Variants in ATRNL1 observed in about 807,000 individuals in gnomAD.
The protein encoded by ATRNL1 is attractin-like protein 1.
Under a neutral mutation model 182.7 loss-of-function variants are expected in ATRNL1, and 95 were observed. The observed-to-expected ratio is 0.52, with a 90% CI of 0.44 to 0.62. ATRNL1 has a LOEUF of 0.62. Among genes scored for constraint, ATRNL1 ranks in the 20% least tolerant of loss-of-function variants. The probability of loss-of-function intolerance (pLI) is 0.00; values close to 1 mark genes in which losing one functional copy is unlikely to be tolerated. For synonymous variants in ATRNL1, 576 were observed against 568.3 expected, an observed-to-expected ratio of 1.01 and a Z score of -0.19; for missense variants, 1,471 against 1,679.5, an observed-to-expected ratio of 0.88 and a Z score of 2.17.
In ATRNL1 at chr10:115,847,750, A is replaced by G. The variant is rs1444538193; in HGVS notation, c.3904-127A>G. ...TAGTGTGCAAGGAGCTAGTGTTAAA[A>G]TAACACATGGTGTGTCCTGAACAAC... On this transcript the variant is annotated intron_variant, in intron 27 of 28. Transcript: ENST00000355044. The G allele has an allele frequency of 6.4e-6, 4 of 626,014 alleles. No homozygotes were observed. The Admixed American group carries it at 9.9e-5, about 15-fold the overall frequency. The allele number at this position is 626,014 out of a possible 1,614,324, so 38.8% of individuals were successfully genotyped here.
chr10:115,309,516 A>G (rs569166976), intron 17 of ATRNL1, among the ~76,000 whole-genome samples: 3 of 152,008 alleles, frequency 2.0e-5, no homozygotes, highest in Admixed American at 2.0e-4. Context: ...ATTCCTAGGT[A>G]TTTTATTTTT....
chr10:115,795,100 A>C (rs2134220530), intron 27 of ATRNL1, among the ~76,000 whole-genome samples: 1 of 152,282 alleles, frequency 6.6e-6, no homozygotes, highest in South Asian at 2.1e-4. Context: ...TTCTCCAGAA[A>C]GTCCTGGTTT....
chr10:115,555,394 C>G (rs541293288), intron 26 of ATRNL1, among the ~76,000 whole-genome samples: 35 of 151,806 alleles, frequency 2.3e-4, no homozygotes, highest in African/African-American at 7.0e-4. Context: ...TCAAAGTATA[C>G]TCATATATAG....
chr10:115,833,026 A>G (rs1171069841), intron 27 of ATRNL1, among the ~76,000 whole-genome samples: 1 of 151,968 alleles, frequency 6.6e-6, no homozygotes, highest in Non-Finnish European at 1.5e-5. Flanking sequence ...CCTTCAGGAC[A>G]TGTAAGAGGA....
intron 28 of ATRNL1, among the ~76,000 whole-genome samples, chr10:115,900,362 A>G (rs782114738): frequency 2.0e-5 from 3 of 152,262 alleles, no homozygotes; most frequent in Non-Finnish European, 4.4e-5. Context: ...TTTCTTTAAT[A>G]TAAATCTCAA....
chr10:115,389,036 G>A (rs997593335), intron 19 of ATRNL1, among the ~76,000 whole-genome samples: 1 of 151,976 alleles, frequency 6.6e-6, no homozygotes, highest in African/African-American at 2.4e-5. Flanking sequence ...TGTACTCTTT[G>A]ATCAACCTTT....
intron 25 of ATRNL1, among the ~76,000 whole-genome samples, chr10:115,547,274 A>C (rs1156423879): frequency 6.7e-6 from 1 of 148,316 alleles, no homozygotes; most frequent in Non-Finnish European, 1.5e-5. Flanking sequence ...ATATATATAT[A>C]TATATATAAA....
intron 25 of ATRNL1, among the ~76,000 whole-genome samples, chr10:115,543,152 A>C (rs61139966): frequency 1.3e-5 from 2 of 152,128 alleles, no homozygotes; most frequent in Non-Finnish European, 2.9e-5. Context: ...CATTTGAAAT[A>C]ATCTTAACTA....
At chr10:115,619,020 T>C (rs1169445049) in intron 26 of ATRNL1, among the ~76,000 whole-genome samples, 3 of 152,330 alleles carry the variant, frequency 2.0e-5, no homozygotes, top group African/African-American at 7.2e-5. Flanking sequence ...TTGAATAGGA[T>C]ACTTTGGCTT....
chr10:115,365,355 T>C (rs1554945580), intron 19 of ATRNL1, among the ~76,000 whole-genome samples: 1 of 150,776 alleles, frequency 6.6e-6, no homozygotes, highest in Non-Finnish European at 1.5e-5. Flanking sequence ...TTCTGTGGGA[T>C]CGGTGGTGAT....
At chr10:115,850,830 A>C (rs1951037551) in intron 28 of ATRNL1, among the ~76,000 whole-genome samples, 1 of 152,190 alleles carries the variant, frequency 6.6e-6, no homozygotes, top group South Asian at 2.1e-4. Context: ...TGTTCTCTTG[A>C]GCCTCCTCCA....
At chr10:115,210,443 A>G (rs781922549) in intron 8 of ATRNL1, among the ~76,000 whole-genome samples, 19 of 151,788 alleles carry the variant, frequency 1.3e-4, no homozygotes, top group Non-Finnish European at 2.4e-4. Flanking sequence ...CTTCACCCCA[A>G]AGATCCTTCT....
At chr10:115,322,947 G>A (rs1420689304) in intron 18 of ATRNL1, among the ~76,000 whole-genome samples, 2 of 151,792 alleles carry the variant, frequency 1.3e-5, no homozygotes, top group African/African-American at 4.8e-5. Context: ...TAATTATAAT[G>A]GGTCTTTTTG....
chr10:115,240,088 G>C (rs986408845), intron 9 of ATRNL1, among the ~76,000 whole-genome samples: 2 of 152,102 alleles, frequency 1.3e-5, no homozygotes, highest in Non-Finnish European at 2.9e-5. Flanking sequence ...GACTATTGCT[G>C]TTCTTTTTGA....
At chr10:115,333,454 A>G (rs573038946) in intron 18 of ATRNL1, among the ~76,000 whole-genome samples, 32 of 151,606 alleles carry the variant, frequency 2.1e-4, no homozygotes, top group African/African-American at 7.3e-4. Context: ...CCTAAAGAAG[A>G]TACATATTTA....
chr10:115,546,796 A>T (rs1435208984), intron 25 of ATRNL1, among the ~76,000 whole-genome samples: 1 of 152,122 alleles, frequency 6.6e-6, no homozygotes, highest in Non-Finnish European at 1.5e-5. Context: ...ACACTGCCAG[A>T]TATCGCCTGG....
chr10:115,363,217 A>G, intron 19 of ATRNL1, among the ~76,000 whole-genome samples: 1 of 145,342 alleles, frequency 6.9e-6, no homozygotes, highest in Middle Eastern at 3.4e-3. Flanking sequence ...GCCATTCTAA[A>G]TGGTGTGAGA....
intron 26 of ATRNL1, among the ~76,000 whole-genome samples, chr10:115,625,205 C>T (rs540326613): frequency 1.3e-4 from 20 of 152,216 alleles, no homozygotes; most frequent in African/African-American, 3.9e-4. Flanking sequence ...TGGAACAGTA[C>T]ATTTTGTTTT....
chr10:115,242,634 G>A (rs1194763073), intron 10 of ATRNL1, among the ~76,000 whole-genome samples: 1 of 151,830 alleles, frequency 6.6e-6, no homozygotes, highest in Non-Finnish European at 1.5e-5. Flanking sequence ...CCTCATAAAG[G>A]CACATAATCT....
Sources: allele counts gnomAD v4.1 joint callset (sites outside exome capture counted in the v4.1 genomes callset), GRCh38; gene constraint gnomAD v4.1.1; transcripts MANE v1.5; gene names NCBI Gene and HGNC (gene_info 2026-07-23, HGNC 2026-07-21).